CAP2: variants seen among roughly 807,000 people sequenced by gnomAD.
The protein encoded by CAP2 is cyclase associated actin cytoskeleton regulatory protein 2.
In CAP2, 24 loss-of-function variants were observed where a neutral mutation model predicts 57.7. The ratio of observed to expected loss-of-function variants is 0.42; its 90% CI spans 0.30 to 0.58. The LOEUF (loss-of-function observed/expected upper bound fraction) is 0.58. Among genes scored for constraint, CAP2 ranks in the 20% least tolerant of loss-of-function variants. The pLI, the probability that CAP2 is intolerant of heterozygous loss-of-function variation, is 0.22. For missense variants in CAP2, 501 were observed against 590.3 expected (o/e 0.85, Z 1.57); for synonymous variants, 194 against 207.2 (o/e 0.94, Z 0.55).
At chr6:17,404,458 A>G (rs1158255142) in intron 1 of CAP2, among the ~76,000 whole-genome samples, 1 of 152,120 alleles carries the variant, frequency 6.6e-6, no homozygotes, top group East Asian at 1.9e-4. Flanking sequence ...ACAAAAAAAT[A>G]GCTGGGCGTG....
intron 3 of CAP2, among the ~76,000 whole-genome samples, chr6:17,436,091 TTCCTTCCTTCC>T (rs1759879185): frequency 7.3e-6 from 1 of 137,516 alleles, no homozygotes; most frequent in Admixed American, 7.0e-5. Context: ...CTTTCTTTCC[TTCCTTCCTTCC>T]TTCCTTCCTT....
chr6:17,405,267 A>G lies in CAP2; in HGVS notation c.-2+11521A>G, dbSNP rs146593372. Among the ~76,000 whole-genome samples, 420 of 152,228 alleles carry G rather than the reference A, an allele frequency of 2.8e-3. 2 individuals carry two copies. The highest frequency in any genetic ancestry group is 0.017 in the Middle Eastern group (5 of 294). On this transcript the variant is annotated intron_variant, in intron 1 of 12. Coordinates refer to ENST00000229922, the MANE Select transcript of CAP2 (RefSeq NM_006366.3). ...TGTGGTATAGACGCTTGTTAATCCC[A>G]GCCACTCGGGAGGCTGAGGCAGGAG...
chr6:17,476,034 G>C (rs957298632), intron 4 of CAP2, among the ~76,000 whole-genome samples: 2 of 152,170 alleles, frequency 1.3e-5, no homozygotes, highest in African/African-American at 4.8e-5. Flanking sequence ...CTCTTGGATA[G>C]TCATAATTGG....
chr6:17,453,655 G>A (rs1274527820), intron 3 of CAP2, among the ~76,000 whole-genome samples: 1 of 152,198 alleles, frequency 6.6e-6, no homozygotes, highest in Non-Finnish European at 1.5e-5. Context: ...TAGGGATGGA[G>A]AGTGTCATTG....
intron 3 of CAP2, among the ~76,000 whole-genome samples, chr6:17,444,693 G>A (rs1404163376): frequency 6.8e-6 from 1 of 147,240 alleles, no homozygotes; most frequent in African/African-American, 2.5e-5. Context: ...CATGAAATTA[G>A]CAAGTGAAAT....
At chr6:17,508,394 G>A (rs973777241) in intron 6 of CAP2, among the ~76,000 whole-genome samples, 1 of 152,188 alleles carries the variant, frequency 6.6e-6, no homozygotes, top group African/African-American at 2.4e-5. Flanking sequence ...CGGAGACATG[G>A]CAGAGCTGAA....
At chr6:17,510,618 C>G (rs996980253) in intron 6 of CAP2, among the ~76,000 whole-genome samples, 2 of 152,120 alleles carry the variant, frequency 1.3e-5, no homozygotes, top group Non-Finnish European at 2.9e-5. Context: ...TAGAACTGTG[C>G]GGCACGCATG....
intron 7 of CAP2, among the ~76,000 whole-genome samples, chr6:17,523,879 T>C (rs1762441829): frequency 6.6e-6 from 1 of 152,064 alleles, no homozygotes; most frequent in Non-Finnish European, 1.5e-5. Flanking sequence ...ATCAAGACCA[T>C]CCTGGCCAAC....
intron 1 of CAP2, among the ~76,000 whole-genome samples, chr6:17,419,614 C>T (rs540962117): frequency 1.3e-5 from 2 of 152,064 alleles, no homozygotes; most frequent in South Asian, 4.2e-4. Flanking sequence ...TAATTTTAGT[C>T]GGTACTTACC....
At chr6:17,428,630 G>T (rs1338308627) in intron 3 of CAP2, among the ~76,000 whole-genome samples, 1 of 146,824 alleles carries the variant, frequency 6.8e-6, no homozygotes, top group African/African-American at 2.5e-5. Context: ...GTGGTGGGAT[G>T]GGGGGAGGGG....
chr6:17,526,521 G>A (rs1762514675), intron 7 of CAP2, among the ~76,000 whole-genome samples: 1 of 152,144 alleles, frequency 6.6e-6, no homozygotes. Context: ...CCTGTCCCTT[G>A]TCACCCACTG....
At chr6:17,452,720 G>A (rs1166231245) in intron 3 of CAP2, among the ~76,000 whole-genome samples, 1 of 152,180 alleles carries the variant, frequency 6.6e-6, no homozygotes, top group Non-Finnish European at 1.5e-5. Flanking sequence ...AGCAATCCAA[G>A]TAAAACAGCG....
rs199825707 is a variant in CAP2, at chr6:17,551,515, A to G, written c.1261A>G (p.Ile421Val). The stretch of plus-strand genomic sequence containing the variant: ...CATTAATAAGACAGAAGGTTGCCAC[A>G]TATACCTCAGTGAAGATGCATTAGA... Reference protein sequence around the residue: ...ISINKTEGCHIYLSEDALDCE... With the variant: ...ISINKTEGCHVYLSEDALDCE... The change falls in exon 12 of 13, where the codon ATA (isoleucine) becomes GTA (valine). Residue 421 changes from isoleucine to valine, a missense_variant. Coordinates refer to ENST00000229922, the MANE Select transcript of CAP2 (RefSeq NM_006366.3). The G allele has an allele frequency of 1.9e-6, 3 of 1,611,144 alleles. No homozygotes were observed. Among genetic ancestry groups the G allele is most frequent in the South Asian group, 1.1e-5 (1 of 90,814 alleles).
chr6:17,500,375 A>ATATATATATATATG (rs1561806372), intron 4 of CAP2, among the ~76,000 whole-genome samples: 1 of 116,772 alleles, frequency 8.6e-6, no homozygotes, highest in African/African-American at 3.3e-5. Flanking sequence ...ATATATATAT[A>ATATATATATATATG]TATATATATT....
chr6:17,452,176 C>A (rs141156968), intron 3 of CAP2, among the ~76,000 whole-genome samples: 12 of 152,280 alleles, frequency 7.9e-5, no homozygotes, highest in African/African-American at 2.4e-4. Flanking sequence ...TATTAAAATG[C>A]CGACTAATGA....
chr6:17,503,753 T>C (rs1761898762), intron 4 of CAP2, among the ~76,000 whole-genome samples: 1 of 152,162 alleles, frequency 6.6e-6, no homozygotes, highest in Non-Finnish European at 1.5e-5. Flanking sequence ...CCAAATATGG[T>C]ACTGGGGGTT....
At chr6:17,459,179 C>T (rs1166729893) in intron 3 of CAP2, among the ~76,000 whole-genome samples, 3 of 152,256 alleles carry the variant, frequency 2.0e-5, no homozygotes, top group Middle Eastern at 3.4e-3. Flanking sequence ...CCACTCCATC[C>T]GAATGGCATG....
At chr6:17,436,090 C>T (rs59927025) in intron 3 of CAP2, among the ~76,000 whole-genome samples, 3,643 of 63,610 alleles carry the variant, frequency 0.057, 148 homozygotes, top group African/African-American at 0.11. Flanking sequence ...TCTTTCTTTC[C>T]TTCCTTCCTT....
At chr6:17,430,111 A>G (rs1008286486) in intron 3 of CAP2, among the ~76,000 whole-genome samples, 6 of 152,226 alleles carry the variant, frequency 3.9e-5, no homozygotes, top group African/African-American at 1.4e-4. Flanking sequence ...CAGCCAAGCT[A>G]TGATTTAACG....
Sources: allele counts gnomAD v4.1 joint callset (sites outside exome capture counted in the v4.1 genomes callset), GRCh38; gene constraint gnomAD v4.1.1; transcripts MANE v1.5; gene names NCBI Gene and HGNC (gene_info 2026-07-23, HGNC 2026-07-21).